Variants in MUC12 observed in about 807,000 individuals in gnomAD.
MUC12 encodes the protein mucin-12.
In MUC12, 172 loss-of-function variants were observed where a neutral mutation model predicts 230.8. The observed-to-expected ratio is 0.75, with a 90% confidence interval of 0.66 to 0.85. The LOEUF is 0.85. MUC12 is among the 40% of genes least tolerant of loss of function. The pLI, the probability that MUC12 is intolerant of heterozygous loss-of-function variation, is 0.00. For missense variants in MUC12, 3,506 were observed against 5,920.6 expected (o/e 0.59, Z 13.38); for synonymous variants, 1,259 against 2,401.9 (o/e 0.52, Z 13.91).
Position 101,005,280 on chromosome 7 carries a change from C to T in MUC12, c.14717C>T (p.Thr4906Ile), listed in dbSNP as rs954019462. The change falls in exon 2 of 12, where the codon ACA (threonine) becomes ATA (isoleucine). Residue 4906 changes from threonine (T) to isoleucine (I), a missense_variant. Coordinates refer to ENST00000536621, the MANE Select transcript of MUC12 (RefSeq NM_001164462.2). The stretch of plus-strand genomic sequence containing the variant: ...ACCACAGACATTGGTCAGGAATCAA[C>T]AGCCTTCCACAGCAGCTCAGACGCA... ...LTTTDIGQES[T>I]AFHSSSDATG... 1 of 1,537,900 alleles carries T rather than the reference C, an allele frequency of 6.5e-7. No individual in the cohort carries two copies. Among genetic ancestry groups the T allele is most frequent in the East Asian group, 2.4e-5 (1 of 40,924 alleles).
At chr7:100,971,410 G>C (rs1283603705) in intron 1 of MUC12, among the ~76,000 whole-genome samples, 1 of 152,238 alleles carries the variant, frequency 6.6e-6, no homozygotes, top group Non-Finnish European at 1.5e-5. Flanking sequence ...GGGTGGTGAG[G>C]GGGCAGGGGA....
chr7:101,003,816 C>G lies in MUC12; in HGVS notation c.13253C>G (p.Ser4418Ter). Residue 4418 changes from serine to a stop codon, truncating the protein, a stop_gained, in exon 2 of 12, where the codon TCA (serine) becomes TGA (stop). Transcript: ENST00000536621. LOFTEE classifies it high-confidence loss of function. The stretch of plus-strand genomic sequence containing the variant: ...ACGACCTACCACAGCAGCCCGGGCT[C>G]AACTCAAACAATGCACTTCCCTGAA... Reference protein sequence around the residue: ...ESTTYHSSPGSTQTMHFPESN... With the variant: ...ESTTYHSSPG The G allele has an allele frequency of 1.3e-6, 2 of 1,481,916 alleles. No homozygotes were observed. The highest frequency in any genetic ancestry group is 1.8e-6 in the Non-Finnish European group (2 of 1,115,956). 91.8% of individuals were successfully genotyped at this position (1,481,916 alleles called of 1,614,324 possible).
chr7:100,983,553 AATT>A (rs1793142000), intron 1 of MUC12, among the ~76,000 whole-genome samples: 1 of 152,242 alleles, frequency 6.6e-6, no homozygotes, highest in Non-Finnish European at 1.5e-5. Flanking sequence ...GAGAAAGTCT[AATT>A]AAGCCTCTAC....
Position 100,991,574 on chromosome 7 carries a change from A to C in MUC12, c.1011A>C (p.Pro337=). The C allele has an allele frequency of 6.5e-7, 1 of 1,537,092 alleles. No homozygotes were observed. Among genetic ancestry groups the C allele is most frequent in the Non-Finnish European group, 8.7e-7 (1 of 1,146,492 alleles). Residue 337 remains proline (P), a synonymous_variant, in exon 2 of 12, where the codon CCA becomes CCC. Coordinates refer to ENST00000536621, the MANE Select transcript of MUC12 (RefSeq NM_001164462.2). ...SEESTPVHSS[P]VATATTPPPA... ...AATCGACACCAGTCCACAGCAGCCC[A>C]GTTGCAACTGCAACAACACCCCCAC...
At chr7:101,013,261 C>G in intron 8 of MUC12, 119 bp downstream of exon 8, 9 of 1,087,452 alleles carry the variant, frequency 8.3e-6, no homozygotes, top group Non-Finnish European at 1.2e-5. Context: ...CTCCTCCCCA[C>G]TCCTGGACAT....
At chr7:101,016,465 G>A (rs988309209) in intron 10 of MUC12, among the ~76,000 whole-genome samples, 7 of 152,058 alleles carry the variant, frequency 4.6e-5, no homozygotes, top group African/African-American at 4.8e-5. Context: ...GCCACCACGC[G>A]TGGCTAATTT....
intron 1 of MUC12, chr7:100,972,960 G>A (rs1382279876): frequency 1.4e-6 from 1 of 702,982 alleles, no homozygotes; most frequent in African/African-American, 1.7e-5. Flanking sequence ...CTGCAGGGGA[G>A]CTACGGTGCA....
In MUC12 at chr7:101,003,509, C is replaced by G. The variant is rs1236195432; in HGVS notation, c.12946C>G (p.Pro4316Ala). 25 of 1,528,148 alleles carry G rather than the reference C, an allele frequency of 1.6e-5. 1 individual carries two copies. The highest frequency in any genetic ancestry group is 2.0e-5 in the Non-Finnish European group (23 of 1,142,492). 94.7% of individuals were successfully genotyped at this position (1,528,148 alleles called of 1,614,324 possible). Residue 4316 changes from proline to alanine, a missense_variant, in exon 2 of 12, where the codon CCT becomes GCT. Transcript: ENST00000536621. The part of the protein sequence containing the change: ...STGSPHTTLS[P>A]AGSTTRQGES... The stretch of plus-strand genomic sequence containing the variant: ...TGGATCGCCACACACAACACTGTCC[C>G]CTGCCGGCTCTACAACCCGTCAGGG...
intron 1 of MUC12, among the ~76,000 whole-genome samples, chr7:100,971,152 C>CA (rs201598387): frequency 0.086 from 2,349 of 27,360 alleles, 63 homozygotes; most frequent in African/African-American, 0.21. Flanking sequence ...GAGACTCTCT[C>CA]AAAAAAAAAC....
Position 100,991,488 on chromosome 7 carries a change from C to T in MUC12, c.925C>T (p.Pro309Ser). 6.5e-7 allele frequency: 1 copy of T among 1,537,434 alleles called. No homozygotes were observed. The highest frequency in any genetic ancestry group is 1.2e-5 in the South Asian group (1 of 84,050). Residue 309 changes from proline to serine, a missense_variant, in exon 2 of 12, where the codon CCG becomes TCG. By Grantham distance (74) the Pro-to-Ser change is moderately conservative. Transcript: ENST00000536621. Reference sequence around the variant, plus strand: ...ACTATCTACAACTTATCACAGCAGCCCGAGCTCAACTCCAACAACCCACTT... The same window carrying T: ...ACTATCTACAACTTATCACAGCAGCTCGAGCTCAACTCCAACAACCCACTT... ...VKLSTTYHSS[P>S]SSTPTTHFSA...
chr7:101,006,837 T>G (rs1335415113), intron 3 of MUC12, among the ~76,000 whole-genome samples: 2 of 152,158 alleles, frequency 1.3e-5, no homozygotes, highest in African/African-American at 2.4e-5. Flanking sequence ...GGAGTATACA[T>G]GAGATGTTTT....
intron 11 of MUC12, 92 bp downstream of exon 11, chr7:101,017,755 ACTCCCTTCTCCCCCTGGGACTCC>A (rs1793957714): frequency 3.9e-6 from 3 of 761,182 alleles, no homozygotes; most frequent in Non-Finnish European, 5.6e-6. Flanking sequence ...TCCCCCTGGG[ACTCCCTTCTCCCCCTGGGACTCC>A]CTCCCTTCCC....
At chr7:100,970,485 CA>C (rs1157597160) in intron 1 of MUC12, among the ~76,000 whole-genome samples, 119 of 60,798 alleles carry the variant, frequency 2.0e-3, no homozygotes, top group Admixed American at 1.8e-3. Context: ...AAAACACTGC[CA>C]AAAAAAAAAA....
At position 100,995,879 on chromosome 7, in the gene MUC12, C is replaced by T. The variant is rs200381069; in HGVS notation, c.5316C>T (p.Tyr1772=). Reference sequence around the variant, plus strand: ...GCCTCGTTGAAGAATCTACGGCGTACCACAGCAGCCCGGGCTCAACTCAAA... The same window carrying T: ...GCCTCGTTGAAGAATCTACGGCGTATCACAGCAGCCCGGGCTCAACTCAAA... The part of the protein sequence containing the change: ...TSGLVEESTA[Y]HSSPGSTQTM... The change falls in exon 2 of 12, where the codon TAC becomes TAT. Residue 1772 remains tyrosine, a synonymous_variant. Coordinates refer to ENST00000536621, the MANE Select transcript of MUC12 (RefSeq NM_001164462.2). 0.23 allele frequency: 327,928 copies of T among 1,409,318 alleles called. 38,892 individuals carry two copies. The highest frequency in any genetic ancestry group is 0.25 in the Non-Finnish European group (264,668 of 1,050,610). The allele number at this position is 1,409,318 out of a possible 1,614,324, so 87.3% of individuals were successfully genotyped here. A position where few individuals can be genotyped will look rare whatever the true frequency, so the allele number is the denominator to read the frequency against.
At chr7:100,979,253 C>T (rs559851351) in intron 1 of MUC12, among the ~76,000 whole-genome samples, 24 of 152,290 alleles carry the variant, frequency 1.6e-4, no homozygotes, top group Middle Eastern at 3.4e-3. Context: ...CCAAACTTTA[C>T]CTGCTTAGCA....
In MUC12 at chr7:101,004,629, G is replaced by C. The variant is rs1793700478; in HGVS notation, c.14066G>C (p.Ser4689Thr). 4.6e-6 allele frequency: 7 copies of C among 1,537,164 alleles called. No individual in the cohort carries two copies. The highest frequency in any genetic ancestry group is 2.4e-5 in the East Asian group (1 of 40,918). The change falls in exon 2 of 12, where the codon AGC becomes ACC. Residue 4689 changes from serine to threonine, a missense_variant. By Grantham distance (58) the Ser-to-Thr change is moderately conservative (BLOSUM62 1). Coordinates refer to ENST00000536621, the MANE Select transcript of MUC12 (RefSeq NM_001164462.2). ...RSEESTASHS[S>T]PDTNGITPLP... ...GAGGAATCAACAGCATCCCACAGCA[G>C]CCCAGATACAAATGGAATCACACCC...
At position 101,004,442 on chromosome 7, in the gene MUC12, A is replaced by G. The variant is rs577185234; in HGVS notation, c.13879A>G (p.Ser4627Gly). The G allele has an allele frequency of 1.3e-5, 20 of 1,523,056 alleles. No individual in the cohort carries two copies. Among genetic ancestry groups the G allele is most frequent in the Admixed American group, 4.0e-5 (2 of 49,386 alleles). The allele number at this position is 1,523,056 out of a possible 1,614,324, so 94.3% of individuals were successfully genotyped here. ...FPESSTASGR[S>G]EESRTSHSST... Reference sequence around the variant, plus strand: ...TGAAAGCTCCACAGCTTCAGGTCGTAGTGAAGAATCAAGAACTTCCCACAG... The same window carrying G: ...TGAAAGCTCCACAGCTTCAGGTCGTGGTGAAGAATCAAGAACTTCCCACAG... The change falls in exon 2 of 12, where the codon AGT (serine) becomes GGT (glycine). Residue 4627 changes from serine (S) to glycine (G), a missense_variant. By Grantham distance (56) the Ser-to-Gly change is moderately conservative. Coordinates refer to ENST00000536621, the MANE Select transcript of MUC12 (RefSeq NM_001164462.2).
rs755156134 is a variant in MUC12 at position 100,992,365 on chromosome 7, T to G, written c.1802T>G (p.Leu601Arg). 43 of 1,536,450 alleles carry G rather than the reference T, an allele frequency of 2.8e-5. No individual in the cohort carries two copies. In the African/African-American group the frequency reaches 4.7e-4, roughly 17 times the overall value. Residue 601 changes from leucine (L) to arginine (R), a missense_variant, in exon 2 of 12, where the codon CTC becomes CGC. Coordinates refer to ENST00000536621, the MANE Select transcript of MUC12 (RefSeq NM_001164462.2). Reference protein sequence around the residue: ...LLPDNTTASGLLEASMPVHSS... With the variant: ...LLPDNTTASGRLEASMPVHSS... ...CCTGACAACACCACAGCCTCAGGAC[T>G]CCTTGAAGCATCTATGCCCGTCCAC...
chr7:100,991,655 C>A lies in MUC12; in HGVS notation c.1092C>A (p.Ser364Arg), dbSNP rs1365237675. The A allele has an allele frequency of 6.5e-7, 1 of 1,537,228 alleles. No homozygotes were observed. Among genetic ancestry groups the A allele is most frequent in the Non-Finnish European group, 8.7e-7 (1 of 1,146,482 alleles). Residue 364 changes from serine (S) to arginine (R), a missense_variant, in exon 2 of 12, where the codon AGC becomes AGA. Coordinates refer to ENST00000536621, the MANE Select transcript of MUC12 (RefSeq NM_001164462.2). ...HVEESTAYHR[S>R]PGSTQTMHFP... ...AAGAATCTACAGCCTACCACAGGAGCCCGGGCTCAACTCAAACAATGCACT... is the reference window on the plus strand; with the variant it reads ...AAGAATCTACAGCCTACCACAGGAGACCGGGCTCAACTCAAACAATGCACT...
Sources: gnomAD v4.1 joint callset for allele counts (sites outside exome capture counted in the v4.1 genomes callset) on GRCh38, gnomAD v4.1.1 for gene constraint, MANE v1.5 for transcripts, NCBI Gene and HGNC (gene_info 2026-07-23, HGNC 2026-07-21) for gene names.